Variants in CHST11 observed in about 807,000 individuals in gnomAD.
CHST11 encodes C4S-1.
CHST11 carries 9 observed loss-of-function variants against 30.4 expected under a neutral mutation model. The ratio of observed to expected loss-of-function variants is 0.30; its 90% CI spans 0.18 to 0.52. The LOEUF is 0.52. Among genes scored for constraint, CHST11 ranks in the 20% least tolerant of loss-of-function variants. The pLI, the probability that CHST11 is intolerant of heterozygous loss-of-function variation, is 0.97. For missense variants in CHST11, 348 were observed against 460.6 expected (o/e 0.76, Z 2.24); for synonymous variants, 152 against 187.8 (o/e 0.81, Z 1.56).
intron 1 of CHST11, among the ~76,000 whole-genome samples, chr12:104,511,253 T>C (rs916098048): frequency 2.0e-5 from 3 of 152,194 alleles, no homozygotes; most frequent in Admixed American, 1.3e-4. Context: ...CCCAGCCTTC[T>C]CCTCACCTCC....
intron 1 of CHST11, among the ~76,000 whole-genome samples, chr12:104,493,041 A>G (rs2037764185): frequency 1.3e-5 from 2 of 152,296 alleles, no homozygotes; most frequent in Admixed American, 6.5e-5. Flanking sequence ...TCAGGAAAAA[A>G]AAAAAATCCA....
At chr12:104,740,878 C>A (rs565788808) in intron 2 of CHST11, among the ~76,000 whole-genome samples, 2 of 152,216 alleles carry the variant, frequency 1.3e-5, no homozygotes, top group Non-Finnish European at 2.9e-5. Context: ...TGGATTTAGA[C>A]GTGCTTGTCC....
At chr12:104,475,029 C>T (rs2037544298) in intron 1 of CHST11, among the ~76,000 whole-genome samples, 1 of 152,166 alleles carries the variant, frequency 6.6e-6, no homozygotes. Context: ...TTGCAGTTGA[C>T]TACTTAGACT....
chr12:104,589,032 C>T (rs575035544), intron 1 of CHST11: 1 of 152,130 alleles, frequency 6.6e-6, no homozygotes, highest in Admixed American at 6.5e-5. Flanking sequence ...ACTTAGAAAA[C>T]ATTACGCTAA....
intron 2 of CHST11, among the ~76,000 whole-genome samples, chr12:104,670,842 C>CCCA (rs2039689190): frequency 6.6e-6 from 1 of 150,752 alleles, no homozygotes; most frequent in Admixed American, 6.6e-5. Flanking sequence ...CACACACACT[C>CCCA]CCACACATAC....
At chr12:104,462,200 A>G (rs2037416746) in intron 1 of CHST11, among the ~76,000 whole-genome samples, 1 of 149,628 alleles carries the variant, frequency 6.7e-6, no homozygotes, top group Admixed American at 6.7e-5. Flanking sequence ...AAGAAAAGAA[A>G]AAAAGAAAAT....
At chr12:104,589,138 A>G (rs2038833423) in intron 1 of CHST11, among the ~76,000 whole-genome samples, 1 of 152,078 alleles carries the variant, frequency 6.6e-6, no homozygotes, top group Admixed American at 6.6e-5. Context: ...GGTGGCTCAC[A>G]TCTGTAATTC....
intron 1 of CHST11, among the ~76,000 whole-genome samples, chr12:104,580,491 A>G (rs934857398): frequency 2.0e-5 from 3 of 152,234 alleles, no homozygotes; most frequent in African/African-American, 7.2e-5. Flanking sequence ...TCGATTATGG[A>G]TAAATTAAAG....
intron 2 of CHST11, among the ~76,000 whole-genome samples, chr12:104,688,409 G>A (rs2039868262): frequency 6.6e-6 from 1 of 152,188 alleles, no homozygotes; most frequent in African/African-American, 2.4e-5. Flanking sequence ...ACTAGTCCCT[G>A]AGCCAGTAGG....
intron 2 of CHST11, among the ~76,000 whole-genome samples, chr12:104,744,882 TTTA>T (rs2040378296): frequency 8.8e-6 from 1 of 114,278 alleles, no homozygotes; most frequent in Non-Finnish European, 1.9e-5. Context: ...TATTTATTTA[TTTA>T]TTTTTTGAGA....
intron 2 of CHST11, among the ~76,000 whole-genome samples, chr12:104,617,779 T>G (rs765017028): frequency 6.6e-6 from 1 of 152,242 alleles, no homozygotes. Flanking sequence ...TTTCTTTCTA[T>G]GTAAAAACAA....
chr12:104,715,715 C>T (rs908798976), intron 2 of CHST11, among the ~76,000 whole-genome samples: 3 of 152,156 alleles, frequency 2.0e-5, no homozygotes, highest in Non-Finnish European at 2.9e-5. Flanking sequence ...GCACCAGCCC[C>T]TCCCGGCTTA....
chr12:104,624,527 A>AGGT (rs10636834), intron 2 of CHST11, among the ~76,000 whole-genome samples: 94,375 of 151,646 alleles, frequency 0.62, 29,767 homozygotes, highest in East Asian at 0.91. Flanking sequence ...AAATGAATGA[A>AGGT]GGGAAAAATG....
At chr12:104,714,064 CAG>C (rs1160618901) in intron 2 of CHST11, among the ~76,000 whole-genome samples, 1 of 152,184 alleles carries the variant, frequency 6.6e-6, no homozygotes, top group African/African-American at 2.4e-5. Context: ...AAGCATAGCT[CAG>C]AGCATTGCAA....
intron 2 of CHST11, among the ~76,000 whole-genome samples, chr12:104,707,781 A>G (rs2040049215): frequency 6.6e-6 from 1 of 152,212 alleles, no homozygotes; most frequent in African/African-American, 2.4e-5. Context: ...TGTATCATAT[A>G]TACCCACTGA....
At chr12:104,698,531 T>C (rs910304243) in intron 2 of CHST11, among the ~76,000 whole-genome samples, 3 of 152,184 alleles carry the variant, frequency 2.0e-5, no homozygotes, top group Non-Finnish European at 2.9e-5. Flanking sequence ...AATTCCAAAG[T>C]TCTCACCCAT....
chr12:104,635,533 C>T (rs369406324), intron 2 of CHST11, among the ~76,000 whole-genome samples: 33 of 152,310 alleles, frequency 2.2e-4, no homozygotes, highest in African/African-American at 6.3e-4. Context: ...GATCCAGTTC[C>T]GCTGGATGAT....
At chr12:104,470,910 C>G (rs962956932) in intron 1 of CHST11, among the ~76,000 whole-genome samples, 1 of 152,156 alleles carries the variant, frequency 6.6e-6, no homozygotes, top group African/African-American at 2.4e-5. Flanking sequence ...TTCATAAAGG[C>G]CTTAAGCTCA....
intron 1 of CHST11, among the ~76,000 whole-genome samples, chr12:104,597,779 C>G (rs541513078): frequency 6.6e-6 from 1 of 152,214 alleles, no homozygotes; most frequent in East Asian, 1.9e-4. Context: ...TTGATGAATC[C>G]TGTTGTATTT....
Sources: allele counts gnomAD v4.1 joint callset (sites outside exome capture counted in the v4.1 genomes callset), GRCh38; gene constraint gnomAD v4.1.1; transcripts MANE v1.5; gene names NCBI Gene and HGNC (gene_info 2026-07-23, HGNC 2026-07-21).